The following COL11A1 variants were observed in gnomAD, a reference collection of about 807,000 sequenced individuals.
The protein encoded by COL11A1 is collagen type XI alpha 1 chain.
COL11A1 carries 74 observed loss-of-function variants against 265.2 expected under a neutral mutation model. The ratio of observed to expected loss-of-function variants is 0.28; its 90% CI spans 0.23 to 0.34. The LOEUF (loss-of-function observed/expected upper bound fraction) is 0.34. Ranked by LOEUF, COL11A1 falls within the 10% of genes least tolerant of loss-of-function variation. The pLI is 1.00. For synonymous variants in COL11A1, 816 were observed against 727.6 expected, an observed-to-expected ratio of 1.12 and a Z score of -1.96; for missense variants, 2,165 against 2,263.6, an observed-to-expected ratio of 0.96 and a Z score of 0.88.
intron 54 of COL11A1, among the ~76,000 whole-genome samples, chr1:102,908,802 T>C (rs545076154): frequency 6.6e-6 from 1 of 152,282 alleles, no homozygotes; most frequent in East Asian, 1.9e-4. Context: ...ACCCACCTCA[T>C]AAATCCACTT....
At chr1:103,046,955 A>G (rs1669323535) in intron 4 of COL11A1, among the ~76,000 whole-genome samples, 1 of 151,998 alleles carries the variant, frequency 6.6e-6, no homozygotes, top group African/African-American at 2.4e-5. Context: ...GTTCTGTTCC[A>G]TTGGTCTATA....
intron 41 of COL11A1, among the ~76,000 whole-genome samples, chr1:102,957,325 G>A (rs1276398011): frequency 6.6e-6 from 1 of 152,044 alleles, no homozygotes; most frequent in Non-Finnish European, 1.5e-5. Context: ...TAGTGCATAA[G>A]CTACATAATT....
intron 42 of COL11A1, among the ~76,000 whole-genome samples, chr1:102,942,839 CTT>C (rs1429816737): frequency 1.3e-5 from 2 of 152,084 alleles, no homozygotes; most frequent in Admixed American, 1.3e-4. Context: ...CTTCTCACAA[CTT>C]ATCACAATTC....
intron 59 of COL11A1, 98 bp downstream of exon 59, chr1:102,889,350 CTCTAAAT>C: frequency 2.4e-6 from 2 of 846,040 alleles, no homozygotes; most frequent in South Asian, 2.7e-5. Flanking sequence ...AATTAAGACA[CTCTAAAT>C]TCTTTCTTTG....
At chr1:103,080,626 C>CAAAA (rs1672333956) in intron 2 of COL11A1, among the ~76,000 whole-genome samples, 3 of 151,746 alleles carry the variant, frequency 2.0e-5, no homozygotes, top group African/African-American at 7.3e-5. Context: ...TGAGCTATTA[C>CAAAA]CCCACTCCAG....
At chr1:102,946,790 A>T (rs1192294624) in intron 42 of COL11A1, 59 bp downstream of exon 42, 10 of 1,340,086 alleles carry the variant, frequency 7.5e-6, no homozygotes, top group Non-Finnish European at 1.1e-5. Flanking sequence ...TTATTGAATA[A>T]AAAGTAATAA....
intron 1 of COL11A1, among the ~76,000 whole-genome samples, chr1:103,090,373 G>A (rs1464299168): frequency 6.6e-6 from 1 of 152,090 alleles, no homozygotes; most frequent in Non-Finnish European, 1.5e-5. Flanking sequence ...ATGTGGTAGT[G>A]AGATGTAGGA....
rs368848478 is a variant in COL11A1 at position 103,093,891 on chromosome 1, C to T, written c.107-10919G>A. The stretch of plus-strand genomic sequence containing the variant: ...ATTTTTAAGGCTCACTCACATGGTA[C>T]TGTATGGAAAGCACTGTCAATGCTA... On this transcript the variant is annotated intron_variant, in intron 1 of 66. Transcript: ENST00000370096. 8.5e-4 allele frequency among the ~76,000 whole-genome samples: 130 copies of T among 152,158 alleles called. 3 individuals are homozygous for T. In the South Asian group the frequency reaches 0.025, roughly 29 times the overall value.
At chr1:103,042,439 C>A (rs1387618774) in intron 4 of COL11A1, among the ~76,000 whole-genome samples, 1 of 152,068 alleles carries the variant, frequency 6.6e-6, no homozygotes, top group Non-Finnish European at 1.5e-5. Context: ...TTGTTATTCA[C>A]TGTTGGCACC....
At chr1:103,084,551 G>A (rs1372976705) in intron 1 of COL11A1, among the ~76,000 whole-genome samples, 1 of 150,206 alleles carries the variant, frequency 6.7e-6, no homozygotes, top group African/African-American at 2.5e-5. Flanking sequence ...GCTATAACAC[G>A]GATCAACCTT....
chr1:103,015,734 T>A lies in COL11A1; in HGVS notation c.1422A>T (p.Pro474=). Residue 474 remains proline (P), a synonymous_variant, in exon 12 of 67, where the codon CCA becomes CCT. Transcript: ENST00000370096. The part of the protein sequence containing the change: ...PPGDPGDRGP[P]GRPGLPGADG... ...CAGCCCCTGGTAAGCCAGGACGTCC[T>A]GGGGGGCCCTAGAAAAATAAATGAA... is the stretch of plus-strand genomic sequence containing the variant. 1 of 1,602,040 alleles carries A rather than the reference T, an allele frequency of 6.2e-7. No individual in the cohort carries two copies. Among genetic ancestry groups the A allele is most frequent in the Non-Finnish European group, 8.5e-7 (1 of 1,172,968 alleles).
At chr1:102,975,961 CAAAA>C (rs889455797) in intron 35 of COL11A1, among the ~76,000 whole-genome samples, 1 of 151,904 alleles carries the variant, frequency 6.6e-6, no homozygotes, top group Non-Finnish European at 1.5e-5. Context: ...ATAAAGTTAA[CAAAA>C]ATAGATTTCA....
At chr1:103,040,795 T>C (rs1251897219) in intron 4 of COL11A1, among the ~76,000 whole-genome samples, 1 of 151,680 alleles carries the variant, frequency 6.6e-6, no homozygotes, top group African/African-American at 2.4e-5. Context: ...AATATTTTTA[T>C]TTTTCTTTAA....
At chr1:103,105,032 C>T (rs1674581986) in intron 1 of COL11A1, among the ~76,000 whole-genome samples, 2 of 152,004 alleles carry the variant, frequency 1.3e-5, no homozygotes, top group Admixed American at 6.6e-5. Flanking sequence ...ATTGGCTTAA[C>T]TGCCAAAGGT....
intron 1 of COL11A1, among the ~76,000 whole-genome samples, chr1:103,099,485 T>C (rs905948917): frequency 6.7e-6 from 1 of 149,928 alleles, no homozygotes; most frequent in Non-Finnish European, 1.5e-5. Flanking sequence ...ATATATATTA[T>C]ATATGGATAA....
intron 46 of COL11A1, among the ~76,000 whole-genome samples, chr1:102,933,238 C>G (rs1190307157): frequency 2.2e-5 from 3 of 133,834 alleles, no homozygotes; most frequent in Admixed American, 1.6e-4. Flanking sequence ...TACTTTTGGT[C>G]TTTGATGATG....
chr1:102,938,737 A>C (rs939033951), intron 44 of COL11A1, among the ~76,000 whole-genome samples: 1 of 152,126 alleles, frequency 6.6e-6, no homozygotes, highest in African/African-American at 2.4e-5. Context: ...TGGTAAATAT[A>C]TGTATACAAA....
intron 4 of COL11A1, among the ~76,000 whole-genome samples, chr1:103,070,904 C>T (rs1671532420): frequency 1.3e-5 from 2 of 151,866 alleles, no homozygotes; most frequent in East Asian, 1.9e-4. Context: ...CACCATAAAG[C>T]AATAATCAAG....
At chr1:102,898,908 A>C in intron 55 of COL11A1, 33 bp downstream of exon 55, 2 of 1,040,002 alleles carry the variant, frequency 1.9e-6, no homozygotes, top group Non-Finnish European at 2.6e-6. Flanking sequence ...ATAATATATA[A>C]TATATATTAT....
Sources: gnomAD v4.1 joint callset for allele counts (sites outside exome capture counted in the v4.1 genomes callset) on GRCh38, gnomAD v4.1.1 for gene constraint, MANE v1.5 for transcripts, NCBI Gene and HGNC (gene_info 2026-07-23, HGNC 2026-07-21) for gene names.